Variants in NBPF20 observed in about 807,000 individuals in gnomAD.
NBPF20 encodes the protein NBPF family member NBPF20.
Under a neutral mutation model 68.1 loss-of-function variants are expected in NBPF20, and 90 were observed. The observed-to-expected ratio is 1.32, with a 90% confidence interval of 1.11 to 1.58. NBPF20 has a LOEUF of 1.58. NBPF20 is among the 40% of genes most tolerant of loss of function. The pLI is 0.00. For synonymous variants in NBPF20, 290 were observed against 228.1 expected (o/e 1.27, Z -2.45); for missense variants, 816 against 601.2 (o/e 1.36, Z -3.74).
At chr1:145,419,392 T>C in the NBPF20 span, among the ~76,000 whole-genome samples, 1 of 152,154 alleles carries the variant, frequency 6.6e-6, no homozygotes, top group Admixed American at 6.5e-5. Flanking sequence ...TTCCATGGGG[T>C]ACAACCCCTT....
At chr1:145,404,477 T>C (rs1662675583) in intron 2 of NBPF20, among the ~76,000 whole-genome samples, 2 of 152,148 alleles carry the variant, frequency 1.3e-5, no homozygotes, top group Admixed American at 6.5e-5. Context: ...CAGGCTAGTC[T>C]CAAACTCCTG....
At chr1:145,291,676 T>C (rs782462488) in exon 138 of NBPF20, 2 of 1,611,782 alleles carry the variant, frequency 1.2e-6, no homozygotes, top group African/African-American at 2.7e-5. Flanking sequence ...ATGAGTCAGG[T>C]AGTTCAAAGT....
chr1:145,410,761 T>C, the NBPF20 span, among the ~76,000 whole-genome samples: 3 of 140,754 alleles, frequency 2.1e-5, no homozygotes, highest in African/African-American at 7.8e-5. Flanking sequence ...CATATATATA[T>C]ATACGTATAT....
At chr1:145,419,603 C>T in the NBPF20 span, among the ~76,000 whole-genome samples, 1 of 152,088 alleles carries the variant, frequency 6.6e-6, no homozygotes, top group African/African-American at 2.4e-5. Context: ...CTGGGTCTGA[C>T]ATCGTCCATT....
rs782008891 is a variant in NBPF20 at position 145,291,778 on chromosome 1, G to T, written c.16698-9C>A. The stretch of plus-strand genomic sequence containing the variant: ...TCAGCACGCCGTTGAGCCTGGAAAA[G>T]GAGACAAAACTAAAGAAGCAGCCAG... On this transcript the variant is annotated splice_polypyrimidine_tract_variant and intron_variant, in intron 137 of 137. Coordinates refer to ENST00000369373, the Ensembl canonical transcript of NBPF20. The T allele has an allele frequency of 5.0e-5, 81 of 1,611,738 alleles. 1 individual carries two copies. The highest frequency in any genetic ancestry group is 2.2e-4 in the Middle Eastern group (1 of 4,452).
At chr1:145,404,445 GA>G (rs1662674904) in intron 2 of NBPF20, among the ~76,000 whole-genome samples, 1 of 152,072 alleles carries the variant, frequency 6.6e-6, no homozygotes, top group East Asian at 1.9e-4. Flanking sequence ...TTTTAGTGGA[GA>G]TGGGGTTTCT....
intron 5 of NBPF20, 42 bp downstream of exon 10, chr1:145,401,017 T>G (rs1662497286): frequency 7.9e-6 from 12 of 1,524,430 alleles, no homozygotes; most frequent in Non-Finnish European, 1.0e-5. Context: ...ATATTCCTCA[T>G]ATGTTACCAT....
chr1:145,393,932 T>G, exon 9 of NBPF20: 2 of 1,374,064 alleles, frequency 1.5e-6, no homozygotes, highest in Non-Finnish European at 1.0e-6. Context: ...ATCCCACCGA[T>G]GTCCTGCAAA....
chr1:145,415,844 C>T, the NBPF20 span, among the ~76,000 whole-genome samples: 9 of 150,252 alleles, frequency 6.0e-5, no homozygotes, highest in African/African-American at 2.0e-4. Context: ...CTTTTCCCCA[C>T]AGTTCAGGTC....
chr1:145,421,833 G>A, the NBPF20 span, among the ~76,000 whole-genome samples: 2 of 152,062 alleles, frequency 1.3e-5, no homozygotes, highest in Non-Finnish European at 1.5e-5. Context: ...TTGAGCCCAG[G>A]AGTTTGAAAC....
At chr1:145,405,191 A>T in exon 2 of NBPF20, 1 of 1,375,992 alleles carries the variant, frequency 7.3e-7, no homozygotes. Context: ...TTCTCTGCCA[A>T]CTGGGGGCGC....
intron 2 of NBPF20, among the ~76,000 whole-genome samples, chr1:145,404,410 C>G (rs1378538179): frequency 1.3e-5 from 2 of 151,954 alleles, no homozygotes; most frequent in African/African-American, 4.8e-5. Flanking sequence ...AGTTGCCCAC[C>G]ACGACGCCCA....
the NBPF20 span, among the ~76,000 whole-genome samples, chr1:145,410,787 C>CATATATATACACATATATAT: frequency 8.7e-6 from 1 of 115,008 alleles, no homozygotes; most frequent in African/African-American, 3.4e-5. Flanking sequence ...TATACACACA[C>CATATATATACACATATATAT]ATATATATAC....
At chr1:145,410,752 A>T in the NBPF20 span, among the ~76,000 whole-genome samples, 1 of 138,244 alleles carries the variant, frequency 7.2e-6, no homozygotes, top group African/African-American at 2.8e-5. Flanking sequence ...ATATATATAC[A>T]TATATATATA....
exon 9 of NBPF20, chr1:145,393,903 G>C (rs1180794017): frequency 1.2e-5 from 19 of 1,534,304 alleles, no homozygotes; most frequent in South Asian, 7.8e-5. Flanking sequence ...GTTGCCTCTT[G>C]GTCCTCCTTT....
chr1:145,408,003 A>C (rs1405134446), upstream of NBPF20: 1 of 179,672 alleles, frequency 5.6e-6, no homozygotes, highest in Non-Finnish European at 1.2e-5. Flanking sequence ...TGGGGAATTG[A>C]CCACGGATCT....
intron 2 of NBPF20, 120 bp downstream of exon 7, chr1:145,404,978 A>T: frequency 7.2e-7 from 1 of 1,384,402 alleles, no homozygotes; most frequent in South Asian, 1.2e-5. Context: ...TAAAATACCC[A>T]TTTCTGTTTT....
Position 145,378,032 on chromosome 1 carries a change from C to G in NBPF20, c.3464+11G>C. The G allele has an allele frequency of 6.8e-6, 3 of 440,258 alleles. 1 individual carries two copies. The highest frequency in any genetic ancestry group is 1.2e-5 in the Non-Finnish European group (3 of 254,792). 27.3% of individuals were successfully genotyped at this position (440,258 alleles called of 1,614,324 possible). A position where few individuals can be genotyped will look rare whatever the true frequency, so the allele number is the denominator to read the frequency against. On this transcript the variant is annotated intron_variant, in intron 29 of 137. Coordinates refer to ENST00000369373, the Ensembl canonical transcript of NBPF20. Reference sequence around the variant, plus strand: ...ACACAGAATTAAGCATCCATAATTGCTCAAAGTTACCTGGGGCATGATGGG... The same window carrying G: ...ACACAGAATTAAGCATCCATAATTGGTCAAAGTTACCTGGGGCATGATGGG...
At chr1:145,403,177 A>C in intron 3 of NBPF20, 39 bp downstream of exon 8, 1 of 1,611,470 alleles carries the variant, frequency 6.2e-7, no homozygotes, top group Non-Finnish European at 8.5e-7. Context: ...AGAGATTTAC[A>C]CACCTGCCCC....
Sources: allele counts gnomAD v4.1 joint callset (sites outside exome capture counted in the v4.1 genomes callset), GRCh38; gene constraint gnomAD v4.1.1; transcripts MANE v1.5; gene names NCBI Gene and HGNC (gene_info 2026-07-23, HGNC 2026-07-21).